ZDHHC21: variants seen among roughly 807,000 people sequenced by gnomAD.
The protein encoded by ZDHHC21 is palmitoyltransferase ZDHHC21.
A neutral mutation model predicts 34.6 loss-of-function variants in ZDHHC21; 15 were observed. The ratio of observed to expected loss-of-function variants is 0.43; its 90% CI spans 0.29 to 0.67. ZDHHC21 has a LOEUF of 0.67. Among genes scored for constraint, ZDHHC21 ranks in the 30% least tolerant of loss-of-function variants. The pLI, the probability that ZDHHC21 is intolerant of heterozygous loss-of-function variation, is 0.14. For missense variants in ZDHHC21, 344 were observed against 327.7 expected (o/e 1.05, Z -0.38); for synonymous variants, 142 against 101.8 (o/e 1.40, Z -2.38).
In ZDHHC21 at chr9:14,662,311, T is replaced by A. The variant is rs1019358316; in HGVS notation, c.269A>T (p.Glu90Val). 5.0e-6 allele frequency: 8 copies of A among 1,606,892 alleles called. No individual in the cohort carries two copies. Among genetic ancestry groups the A allele is most frequent in the Non-Finnish European group, 6.8e-6 (8 of 1,177,720 alleles). The change falls in exon 6 of 10, where the codon GAA becomes GTA. Residue 90 changes from glutamate to valine, a missense_variant. By Grantham distance (121) the Glu-to-Val change is moderately radical. Transcript: ENST00000380916. ...KIPHGEREFW[E>V]LCNKCNLMRP... is the part of the protein sequence containing the mutation. ...CATCAAATTACACTTGTTACATAAT[T>A]CCCAGAACTCCCTTTCTAAAGAAAA...
chr9:14,628,262 T>C (rs1030301394), intron 8 of ZDHHC21, among the ~76,000 whole-genome samples: 1 of 152,192 alleles, frequency 6.6e-6, no homozygotes, highest in Admixed American at 6.5e-5. Context: ...GGGTCACAGA[T>C]AATCTACTCT....
intron 6 of ZDHHC21, among the ~76,000 whole-genome samples, chr9:14,659,101 T>C (rs1476244422): frequency 6.6e-6 from 1 of 152,158 alleles, no homozygotes; most frequent in East Asian, 1.9e-4. Context: ...AGTCCACATA[T>C]GTGATCCCCC....
At chr9:14,664,591 A>G (rs9721639) in intron 5 of ZDHHC21, among the ~76,000 whole-genome samples, 148,777 of 149,846 alleles carry the variant, frequency 0.99, 73,868 homozygotes, top group Middle Eastern at 1. Context: ...AGTAACCTCC[A>G]CAGACTTAAA....
At chr9:14,693,193 G>T (rs1045195002) in intron 1 of ZDHHC21, 36 bp downstream of exon 1, 2 of 337,026 alleles carry the variant, frequency 5.9e-6, no homozygotes, top group East Asian at 3.2e-4. Context: ...GATGGGGGTG[G>T]GGGCGGCCGC....
intron 7 of ZDHHC21, among the ~76,000 whole-genome samples, chr9:14,657,680 G>A (rs1832499928): frequency 6.6e-6 from 1 of 152,124 alleles, no homozygotes; most frequent in African/African-American, 2.4e-5. Flanking sequence ...CAGGCAGAGG[G>A]CTGAATTTAA....
chr9:14,625,769 C>T (rs141063153), intron 8 of ZDHHC21, among the ~76,000 whole-genome samples: 56 of 152,010 alleles, frequency 3.7e-4, no homozygotes, highest in African/African-American at 1.3e-3. Flanking sequence ...ATAGGGACTA[C>T]AAGAGACTAC....
chr9:14,655,669 T>C (rs1438935679), intron 7 of ZDHHC21, among the ~76,000 whole-genome samples: 1 of 151,550 alleles, frequency 6.6e-6, no homozygotes, highest in Non-Finnish European at 1.5e-5. Flanking sequence ...TTGGGGAAAC[T>C]ATAAAAAGAG....
chr9:14,690,668 C>A (rs1034598691), intron 1 of ZDHHC21, among the ~76,000 whole-genome samples: 2 of 151,994 alleles, frequency 1.3e-5, no homozygotes, highest in Non-Finnish European at 1.5e-5. Context: ...GTCTAAAGAG[C>A]AAAACAAACA....
chr9:14,664,693 G>C (rs1358852816), intron 5 of ZDHHC21, among the ~76,000 whole-genome samples: 1 of 151,986 alleles, frequency 6.6e-6, no homozygotes, highest in Admixed American at 6.5e-5. Context: ...GTGGGTCCCT[G>C]ACCCCCAAGC....
In ZDHHC21 at chr9:14,644,819, T is replaced by TACAC. The variant is rs527554683; in HGVS notation, c.505-4811_505-4808dup. Among the ~76,000 whole-genome samples the TACAC allele has an allele frequency of 3.6e-3, 508 of 142,734 alleles. 4 individuals carry two copies. Among genetic ancestry groups the TACAC allele is most frequent in the Admixed American group, 7.8e-3 (113 of 14,472 alleles). The allele number at this position is 142,734 out of a possible 152,430, so 93.6% of individuals were successfully genotyped here. On this transcript the variant is annotated intron_variant, in intron 7 of 9. Coordinates refer to ENST00000380916, the MANE Select transcript of ZDHHC21 (RefSeq NM_178566.6). ...ATATATATACACACATACATATGTA[T>TACAC]ACACACACACACACACACATATATA...
chr9:14,659,370 CT>C (rs982682745), intron 6 of ZDHHC21, among the ~76,000 whole-genome samples: 35 of 152,180 alleles, frequency 2.3e-4, no homozygotes, highest in Non-Finnish European at 1.5e-5. Context: ...TAAGCATTCA[CT>C]TTTCATTTTA....
intron 6 of ZDHHC21, among the ~76,000 whole-genome samples, chr9:14,660,628 T>A (rs561614208): frequency 6.6e-6 from 1 of 152,152 alleles, no homozygotes; most frequent in African/African-American, 2.4e-5. Flanking sequence ...TCTACTCTCC[T>A]TTCTGATCCT....
the ZDHHC21 span, among the ~76,000 whole-genome samples, chr9:14,592,666 C>T: frequency 1.5e-4 from 23 of 152,232 alleles, no homozygotes; most frequent in African/African-American, 5.5e-4. Flanking sequence ...CAACCAACTG[C>T]CCTAACTGAC....
At chr9:14,631,683 T>TA (rs1199868180) in intron 8 of ZDHHC21, among the ~76,000 whole-genome samples, 2 of 152,180 alleles carry the variant, frequency 1.3e-5, no homozygotes, top group African/African-American at 4.8e-5. Flanking sequence ...CTTAAATACT[T>TA]AGAGGCCACC....
At chr9:14,680,855 T>C (rs921649447) in intron 2 of ZDHHC21, among the ~76,000 whole-genome samples, 4 of 152,148 alleles carry the variant, frequency 2.6e-5, no homozygotes, top group South Asian at 4.1e-4. Flanking sequence ...TGTTATCTCA[T>C]ATGGTAAGGA....
intron 7 of ZDHHC21, among the ~76,000 whole-genome samples, chr9:14,654,788 A>G (rs1288206179): frequency 6.6e-6 from 1 of 151,978 alleles, no homozygotes; most frequent in Non-Finnish European, 1.5e-5. Context: ...CCAGAGGATA[A>G]ATTAATAGGA....
intron 8 of ZDHHC21, among the ~76,000 whole-genome samples, chr9:14,628,982 G>A (rs553180919): frequency 8.5e-5 from 13 of 152,196 alleles, no homozygotes; most frequent in African/African-American, 2.4e-4. Context: ...AAAGGGTAAC[G>A]CTTGAGGTTC....
intron 5 of ZDHHC21, among the ~76,000 whole-genome samples, chr9:14,665,677 G>C (rs1321121663): frequency 7.3e-6 from 1 of 137,022 alleles, no homozygotes; most frequent in Non-Finnish European, 1.6e-5. Flanking sequence ...AGCCAGAAGA[G>C]AGTGGGGGCC....
At chr9:14,593,645 G>A in the ZDHHC21 span, 1 of 152,272 alleles carries the variant, frequency 6.6e-6, no homozygotes, top group East Asian at 1.9e-4. Context: ...GCCCTGATCA[G>A]TTTTGAGACT....
Sources: allele counts gnomAD v4.1 joint callset (sites outside exome capture counted in the v4.1 genomes callset), GRCh38; gene constraint gnomAD v4.1.1; transcripts MANE v1.5; gene names NCBI Gene and HGNC (gene_info 2026-07-23, HGNC 2026-07-21).